Variants in C2CD5 observed in about 807,000 individuals in gnomAD.
C2CD5 encodes the protein C2 domain-containing protein 5.
In C2CD5, 109 loss-of-function variants were observed where a neutral mutation model predicts 130.3. The observed-to-expected ratio is 0.84, with a 90% CI of 0.72 to 0.98. The LOEUF (loss-of-function observed/expected upper bound fraction) is 0.98, where lower values mean the gene tolerates loss of function less well. Among genes scored for constraint, C2CD5 ranks in the 50% least tolerant of loss-of-function variants. The pLI, the probability that C2CD5 is intolerant of heterozygous loss-of-function variation, is 0.00. For missense variants in C2CD5, 996 were observed against 1,261.8 expected (o/e 0.79, Z 3.19); for synonymous variants, 454 against 429.2 (o/e 1.06, Z -0.71).
chr12:22,482,847 T>C, intron 13 of C2CD5, 104 bp from the exon 14 acceptor site: 2 of 779,858 alleles, frequency 2.6e-6, no homozygotes, highest in Non-Finnish European at 4.3e-6. Flanking sequence ...CATTTACTTG[T>C]TTCTAATGGG....
Position 22,517,929 on chromosome 12 carries a change from G to C in C2CD5, c.952+57C>G, listed in dbSNP as rs1949907301. 3 of 1,433,534 alleles carry C rather than the reference G, an allele frequency of 2.1e-6. No individual in the cohort carries two copies. The Admixed American group carries it at 6.5e-5, about 31-fold the overall frequency. The allele number at this position is 1,433,534 out of a possible 1,614,324, so 88.8% of individuals were successfully genotyped here. ...AAAGATTTGGATGGAAAGCTAATAA[G>C]AAATAGAAACAAATTTTTAAAAAAG... On this transcript the variant is annotated intron_variant, in intron 8 of 26. Coordinates refer to ENST00000446597, the MANE Select transcript of C2CD5 (RefSeq NM_001286176.2).
chr12:22,459,085 A>G (rs895705201), intron 23 of C2CD5, among the ~76,000 whole-genome samples: 11 of 152,162 alleles, frequency 7.2e-5, no homozygotes, highest in Non-Finnish European at 8.8e-5. Context: ...TTCTTTCTAC[A>G]ATCAGTAAGA....
At chr12:22,498,470 C>T (rs951462009) in intron 10 of C2CD5, among the ~76,000 whole-genome samples, 2 of 152,026 alleles carry the variant, frequency 1.3e-5, no homozygotes, top group Non-Finnish European at 2.9e-5. Context: ...ATCAGCTGAC[C>T]CACATTTTGT....
At chr12:22,456,929 G>GT in intron 25 of C2CD5, 42 bp downstream of exon 25, 1 of 1,298,756 alleles carries the variant, frequency 7.7e-7, no homozygotes, top group Non-Finnish European at 1.1e-6. Context: ...TAAATCTTCA[G>GT]AGAAAATTTT....
intron 25 of C2CD5, among the ~76,000 whole-genome samples, chr12:22,454,555 C>T (rs1245436771): frequency 6.9e-6 from 1 of 143,910 alleles, no homozygotes; most frequent in African/African-American, 2.6e-5. Context: ...ACATGTTGCT[C>T]CTGCAGACTT....
chr12:22,478,157 G>A lies in C2CD5; in HGVS notation c.1902+156C>T. 6.3e-6 allele frequency: 4 copies of A among 638,846 alleles called. No homozygotes were observed. In the South Asian group the frequency reaches 7.4e-5, roughly 12 times the overall value. 39.6% of individuals were successfully genotyped at this position (638,846 alleles called of 1,614,324 possible). ...CGTTAGAGTAGGCTTACCCGAAAAG[G>A]AGACAGTTGAGCAAAGACATAAAGG... is the stretch of plus-strand genomic sequence containing the variant. On this transcript the variant is annotated intron_variant, in intron 15 of 26. Transcript: ENST00000446597.
intron 9 of C2CD5, among the ~76,000 whole-genome samples, chr12:22,510,638 A>T (rs1949083776): frequency 1.3e-5 from 2 of 152,224 alleles, no homozygotes; most frequent in South Asian, 4.1e-4. Flanking sequence ...TTCTAAAAAG[A>T]TCAAAATTCT....
chr12:22,527,559 C>T (rs527754538), intron 4 of C2CD5, among the ~76,000 whole-genome samples, 162 bp downstream of exon 4: 2 of 152,008 alleles, frequency 1.3e-5, no homozygotes, highest in African/African-American at 4.8e-5. Flanking sequence ...CTCAGGTGAT[C>T]CACCCGCCTC....
intron 20 of C2CD5, 82 bp downstream of exon 20, chr12:22,471,317 T>G: frequency 2.5e-6 from 2 of 805,660 alleles, no homozygotes; most frequent in Non-Finnish European, 4.1e-6. Context: ...TTTATTTAAT[T>G]ACGGCAAAAT....
chr12:22,477,002 T>C (rs1236559770), intron 15 of C2CD5, among the ~76,000 whole-genome samples: 1 of 152,168 alleles, frequency 6.6e-6, no homozygotes, highest in African/African-American at 2.4e-5. Flanking sequence ...ATTTTTCAAA[T>C]ATGAATATGT....
At chr12:22,523,650 T>C in intron 6 of C2CD5, 26 bp from the exon 7 acceptor site, 2 of 1,578,866 alleles carry the variant, frequency 1.3e-6, no homozygotes, top group East Asian at 2.2e-5. Context: ...AATCTCATTC[T>C]TGCTTTGTAG....
chr12:22,471,196 A>C (rs1451436239), intron 20 of C2CD5, among the ~76,000 whole-genome samples: 1 of 152,124 alleles, frequency 6.6e-6, no homozygotes, highest in Non-Finnish European at 1.5e-5. Context: ...TACATGCTGA[A>C]GCATACGTGT....
At chr12:22,493,175 G>A (rs950664649) in intron 11 of C2CD5, 48 bp downstream of exon 11, 4 of 1,017,346 alleles carry the variant, frequency 3.9e-6, no homozygotes, top group East Asian at 2.4e-5. Context: ...CCTTTCAGAT[G>A]GCAGTCTAAA....
At chr12:22,483,809 T>C (rs1711625579) in intron 13 of C2CD5, among the ~76,000 whole-genome samples, 1 of 152,094 alleles carries the variant, frequency 6.6e-6, no homozygotes, top group Non-Finnish European at 1.5e-5. Context: ...AAAGGTACCA[T>C]TCATTAAAAC....
At chr12:22,526,842 T>C (rs1950762909) in intron 4 of C2CD5, among the ~76,000 whole-genome samples, 1 of 152,218 alleles carries the variant, frequency 6.6e-6, no homozygotes. Context: ...ATACTTATGG[T>C]GGAAGACTTA....
intron 3 of C2CD5, among the ~76,000 whole-genome samples, chr12:22,530,111 T>TATATATATATATACAC (rs1301636778): frequency 1.1e-5 from 1 of 87,554 alleles, no homozygotes; most frequent in Non-Finnish European, 2.0e-5. Flanking sequence ...TATATATATA[T>TATATATATATATACAC]ACACACACAC....
chr12:22,478,883 G>C (rs1224343746), intron 14 of C2CD5, among the ~76,000 whole-genome samples: 2 of 151,852 alleles, frequency 1.3e-5, no homozygotes, highest in African/African-American at 4.8e-5. Flanking sequence ...ACAAGAATGT[G>C]ATCTTTGCTC....
intron 17 of C2CD5, 32 bp downstream of exon 17, chr12:22,472,712 A>C (rs534395402): frequency 8.6e-7 from 1 of 1,161,924 alleles, no homozygotes; most frequent in African/African-American, 1.5e-5. Context: ...ATGTAAAACT[A>C]GTTTCATCTC....
At chr12:22,529,204 G>C (rs997940119) in intron 3 of C2CD5, among the ~76,000 whole-genome samples, 1 of 152,168 alleles carries the variant, frequency 6.6e-6, no homozygotes. Flanking sequence ...ATAATGAAAT[G>C]TTAAAATAAA....
Sources: allele counts gnomAD v4.1 joint callset (sites outside exome capture counted in the v4.1 genomes callset), GRCh38; gene constraint gnomAD v4.1.1; transcripts MANE v1.5; gene names NCBI Gene and HGNC (gene_info 2026-07-23, HGNC 2026-07-21).